Variants in CAMK2B observed in about 807,000 individuals in gnomAD.
The protein encoded by CAMK2B is calcium/calmodulin dependent protein kinase II beta.
CAMK2B carries 27 observed loss-of-function variants against 93.7 expected under a neutral mutation model. The ratio of observed to expected loss-of-function variants is 0.29; its 90% confidence interval spans 0.21 to 0.40. The LOEUF (loss-of-function observed/expected upper bound fraction) is 0.40. Among genes scored for constraint, CAMK2B ranks in the 10% least tolerant of loss-of-function variants. The pLI, the probability that CAMK2B is intolerant of heterozygous loss-of-function variation, is 1.00. For synonymous variants in CAMK2B, 374 were observed against 358.8 expected (o/e 1.04, Z -0.48); for missense variants, 568 against 895.8 (o/e 0.63, Z 4.67).
chr7:44,317,952 A>G (rs1218655879), intron 1 of CAMK2B, among the ~76,000 whole-genome samples: 1 of 152,042 alleles, frequency 6.6e-6, no homozygotes, highest in Admixed American at 6.6e-5. Flanking sequence ...GCTTTTAAAA[A>G]CTGCTGATAC....
At chr7:44,284,059 C>G (rs1784427181) in intron 2 of CAMK2B, 72 bp downstream of exon 2, 1 of 1,154,420 alleles carries the variant, frequency 8.7e-7, no homozygotes, top group African/African-American at 1.5e-5. Context: ...GCTGCCCAGT[C>G]CACAGGGCAC....
At chr7:44,289,480 G>T (rs1219940034) in intron 1 of CAMK2B, among the ~76,000 whole-genome samples, 1 of 152,206 alleles carries the variant, frequency 6.6e-6, no homozygotes, top group Non-Finnish European at 1.5e-5. Flanking sequence ...GGCTCTTGGG[G>T]TGCCAGTTAA....
intron 1 of CAMK2B, among the ~76,000 whole-genome samples, chr7:44,308,242 G>T (rs562400886): frequency 9.9e-5 from 15 of 152,224 alleles, no homozygotes; most frequent in African/African-American, 3.6e-4. Flanking sequence ...GCTAATTGCC[G>T]GAGCTGCCAT....
At position 44,242,241 on chromosome 7, in the gene CAMK2B, C is replaced by A. The variant is rs767719361; in HGVS notation, c.796G>T (p.Ala266Ser). 2 of 1,613,874 alleles carry A rather than the reference C, an allele frequency of 1.2e-6. No individual in the cohort carries two copies. Among genetic ancestry groups the A allele is most frequent in the South Asian group, 1.1e-5 (1 of 91,080 alleles). The change falls in exon 10 of 24, where the codon GCC becomes TCC. Residue 266 changes from alanine to serine, a missense_variant. By Grantham distance (99) the Ala-to-Ser change is moderately conservative (BLOSUM62 1). Around this residue, in one of 4 missense-constraint regions of CAMK2B, gnomAD observed 105 missense variants for 372.4 expected, o/e 0.28. Coordinates refer to ENST00000395749, the MANE Select transcript of CAMK2B (RefSeq NM_001220.5). ...NPAKRITAHE[A>S]LKHPWVCQRS... ...ACGCAGACCCACGGGTGCTTCAGGG[C>A]CTCATGGGCTGTGATGCGCTTGGCA...
intron 1 of CAMK2B, among the ~76,000 whole-genome samples, chr7:44,288,569 C>A (rs1029194787): frequency 6.6e-6 from 1 of 152,190 alleles, no homozygotes; most frequent in African/African-American, 2.4e-5. Context: ...TTTTGAATAA[C>A]CTGTTCAGAT....
rs1447004853 is a variant in CAMK2B at position 44,225,862 on chromosome 7, G to A, written c.1597+654C>T. On this transcript the variant is annotated intron_variant, in intron 20 of 23. Transcript: ENST00000395749. This position sits in a 1 kb window ranked among gnomAD's most constrained non-coding sequence, Gnocchi z 5.0. ...GTCTGGTGTCTCCCCACAGGTGGGG[G>A]TGGCAGCAGCCCTGGGATGTCATCC... 5 of 1,289,232 alleles carry A rather than the reference G, an allele frequency of 3.9e-6. No homozygotes were observed. The highest frequency in any genetic ancestry group is 5.1e-6 in the Non-Finnish European group (5 of 988,714). The allele number at this position is 1,289,232 out of a possible 1,614,324, so 79.9% of individuals were successfully genotyped here.
Position 44,248,300 on chromosome 7 carries a change from A to C in CAMK2B, c.342-1108T>G, listed in dbSNP as rs1341388759. On this transcript the variant is annotated intron_variant, in intron 5 of 23. Coordinates refer to ENST00000395749, the MANE Select transcript of CAMK2B (RefSeq NM_001220.5). This position sits in a 1 kb window ranked among gnomAD's most constrained non-coding sequence, Gnocchi z 4.1. ...GAGAGGTCCAAGCTGCTCTCAGGCC[A>C]CCTCCCTGACACCTGTCCTAGAGCA... is the stretch of plus-strand genomic sequence containing the variant. 2.0e-5 allele frequency among the ~76,000 whole-genome samples: 3 copies of C among 151,800 alleles called. No homozygotes were observed. The highest frequency in any genetic ancestry group is 7.3e-5 in the African/African-American group (3 of 41,310).
At chr7:44,222,954 CT>C (rs1227741511) in intron 20 of CAMK2B, among the ~76,000 whole-genome samples, 1 of 152,232 alleles carries the variant, frequency 6.6e-6, no homozygotes, top group Admixed American at 6.5e-5. Context: ...CTCATGTCCC[CT>C]GCTGCACAGT....
chr7:44,293,542 T>C (rs763379400), intron 1 of CAMK2B, among the ~76,000 whole-genome samples: 2 of 152,196 alleles, frequency 1.3e-5, no homozygotes, highest in Non-Finnish European at 2.9e-5. Context: ...ACTGGTTTTA[T>C]GGAAGGCAAT....
Position 44,250,752 on chromosome 7 carries a change from T to A in CAMK2B, c.342-3560A>T, listed in dbSNP as rs900912270. Among the ~76,000 whole-genome samples the A allele has an allele frequency of 3.9e-5, 6 of 152,294 alleles. No homozygotes were observed. In the South Asian group the frequency reaches 1.2e-3, roughly 32 times the overall value. ...ACCATGTTGGCCAAGATGTTTTCGATCTCCTGACCTTGTGATCCGCCCGCC... is the reference window on the plus strand; with the variant it reads ...ACCATGTTGGCCAAGATGTTTTCGAACTCCTGACCTTGTGATCCGCCCGCC... On this transcript the variant is annotated intron_variant, in intron 5 of 23. Transcript: ENST00000395749.
intron 6 of CAMK2B, among the ~76,000 whole-genome samples, chr7:44,244,484 G>T (rs2096711735): frequency 1.4e-5 from 1 of 71,624 alleles, no homozygotes; most frequent in African/African-American, 6.1e-5. Context: ...CCAGCAGGGG[G>T]CTCCCTGGGG....
At chr7:44,220,559 C>T (rs1281005241) in intron 22 of CAMK2B, 57 bp downstream of exon 22, 7 of 1,451,400 alleles carry the variant, frequency 4.8e-6, no homozygotes, top group African/African-American at 1.4e-5. Context: ...TGGGAGGGGC[C>T]GAGAGGCTCT....
intron 1 of CAMK2B, among the ~76,000 whole-genome samples, chr7:44,313,175 G>A (rs991605777): frequency 6.6e-6 from 1 of 152,116 alleles, no homozygotes; most frequent in African/African-American, 2.4e-5. Context: ...CTGCCTAGCT[G>A]GGGTCCTGAG....
At chr7:44,285,052 C>T (rs143152049) in intron 1 of CAMK2B, among the ~76,000 whole-genome samples, 60 of 152,262 alleles carry the variant, frequency 3.9e-4, no homozygotes, top group African/African-American at 1.4e-3. Flanking sequence ...TGAACGTACC[C>T]CACAAAGCCT....
intron 17 of CAMK2B, 38 bp from the exon 18 acceptor site, chr7:44,229,539 C>G: frequency 9.4e-7 from 1 of 1,068,710 alleles, no homozygotes; most frequent in South Asian, 2.4e-5. Context: ...GTGGGTGGTG[C>G]GCCCGCAGGA....
chr7:44,263,560 T>G (rs1042065350), intron 2 of CAMK2B, among the ~76,000 whole-genome samples: 34 of 151,802 alleles, frequency 2.2e-4, no homozygotes, highest in Non-Finnish European at 4.7e-4. Flanking sequence ...AAACTGGTGG[T>G]GAAGCAGGAG....
chr7:44,235,117 G>A (rs928564913), intron 13 of CAMK2B, among the ~76,000 whole-genome samples: 8 of 151,148 alleles, frequency 5.3e-5, no homozygotes, highest in African/African-American at 1.9e-4. Context: ...CCTTCCTGGG[G>A]TAGGGGTGGG....
chr7:44,222,454 T>TG (rs754030355), intron 20 of CAMK2B, among the ~76,000 whole-genome samples: 3 of 151,784 alleles, frequency 2.0e-5, no homozygotes, highest in East Asian at 1.9e-4. Flanking sequence ...TTTTTTTTTT[T>TG]AGATGGAGTC....
chr7:44,323,236 TCC>T (rs1472123456), intron 1 of CAMK2B, among the ~76,000 whole-genome samples: 1 of 152,216 alleles, frequency 6.6e-6, no homozygotes, highest in African/African-American at 2.4e-5. Context: ...AGCTGCCTGC[TCC>T]TGGCTTGGGC....
Sources: gnomAD v4.1 joint callset for allele counts (sites outside exome capture counted in the v4.1 genomes callset) on GRCh38, gnomAD v4.1.1 for gene constraint, gnomAD v4.1.1 regional missense constraint, Gnocchi (gnomAD v3.1) non-coding constraint, MANE v1.5 for transcripts, NCBI Gene and HGNC (gene_info 2026-07-23, HGNC 2026-07-21) for gene names.